Variants in WWOX observed in about 807,000 individuals in gnomAD.
The protein encoded by WWOX is WW domain-containing oxidoreductase.
WWOX carries 69 observed loss-of-function variants against 46.2 expected under a neutral mutation model. The observed-to-expected ratio is 1.49, with a 90% confidence interval of 1.23 to 1.82. The LOEUF is 1.82. Among genes scored for constraint, WWOX ranks in the 40% most tolerant of loss-of-function variants. The pLI, the probability that WWOX is intolerant of heterozygous loss-of-function variation, is 0.00. For synonymous variants in WWOX, 359 were observed against 202.6 expected, an observed-to-expected ratio of 1.77 and a Z score of -6.56; for missense variants, 919 against 542.6, an observed-to-expected ratio of 1.69 and a Z score of -6.89.
intron 8 of WWOX, among the ~76,000 whole-genome samples, chr16:79,032,061 T>C (rs2550696): frequency 0.16 from 22,579 of 144,014 alleles, 2,072 homozygotes; most frequent in African/African-American, 0.25. Flanking sequence ...CTGTATGTAA[T>C]ATATATATTA....
At chr16:78,762,676 G>A (rs909044253) in intron 8 of WWOX, among the ~76,000 whole-genome samples, 2 of 152,170 alleles carry the variant, frequency 1.3e-5, no homozygotes, top group African/African-American at 4.8e-5. Flanking sequence ...TAATTGGGAG[G>A]CAGGAATCCA....
intron 8 of WWOX, among the ~76,000 whole-genome samples, chr16:79,198,159 TA>T (rs1219723700): frequency 6.9e-6 from 1 of 144,744 alleles, no homozygotes; most frequent in African/African-American, 2.7e-5. Flanking sequence ...ACCCCGTCTC[TA>T]CTAAAAAAAA....
intron 8 of WWOX, among the ~76,000 whole-genome samples, chr16:78,621,537 A>G (rs1321151745): frequency 9.4e-6 from 1 of 106,120 alleles, no homozygotes; most frequent in Non-Finnish European, 1.9e-5. Context: ...CTTGGCTTTT[A>G]TTGGCCAGTA....
rs563420125 is a variant in WWOX at position 78,673,358 on chromosome 16, T to G, written c.1056+240606T>G. Among the ~76,000 whole-genome samples the G allele has an allele frequency of 2.0e-5, 3 of 152,318 alleles. No homozygotes were observed. In the East Asian group the frequency reaches 5.8e-4, roughly 29 times the overall value. On this transcript the variant is annotated intron_variant, in intron 8 of 8. Transcript: ENST00000566780. ...GAGAGCTGGCTGTGCTAGGAAACTC[T>G]TCGCCTCTCTAACACCACGTTTATT...
At chr16:79,160,917 C>G (rs140351902) in intron 8 of WWOX, among the ~76,000 whole-genome samples, 20 of 152,284 alleles carry the variant, frequency 1.3e-4, no homozygotes, top group Middle Eastern at 3.4e-3. Flanking sequence ...TACATATATT[C>G]TGATACACAT....
At chr16:78,593,802 A>G (rs7203119) in intron 8 of WWOX, among the ~76,000 whole-genome samples, 24,195 of 151,930 alleles carry the variant, frequency 0.16, 3,227 homozygotes, top group African/African-American at 0.37. Context: ...TGAAACAAAG[A>G]TAGAGCTAGC....
chr16:78,647,057 G>A (rs565999183), intron 8 of WWOX, among the ~76,000 whole-genome samples: 2 of 152,086 alleles, frequency 1.3e-5, no homozygotes, highest in Non-Finnish European at 2.9e-5. Flanking sequence ...CTCCCTTTGT[G>A]ACCCAGCAAC....
chr16:78,906,368 T>C (rs1035956800), intron 8 of WWOX, among the ~76,000 whole-genome samples: 2 of 152,184 alleles, frequency 1.3e-5, no homozygotes, highest in Admixed American at 6.5e-5. Context: ...CTCTTTGATA[T>C]GCAAATATAG....
chr16:78,817,938 GT>G (rs1352922340), intron 8 of WWOX, among the ~76,000 whole-genome samples: 1 of 152,162 alleles, frequency 6.6e-6, no homozygotes, highest in Admixed American at 6.5e-5. Context: ...GTGCAAGTTT[GT>G]TGTGAAGAAC....
chr16:78,176,260 C>T (rs1286668301), intron 5 of WWOX, among the ~76,000 whole-genome samples: 1 of 152,186 alleles, frequency 6.6e-6, no homozygotes, highest in Non-Finnish European at 1.5e-5. Flanking sequence ...TATTGGGATA[C>T]TAAAAGTTGG....
At chr16:78,620,655 A>G (rs1308738918) in intron 8 of WWOX, among the ~76,000 whole-genome samples, 2 of 151,914 alleles carry the variant, frequency 1.3e-5, no homozygotes. Flanking sequence ...TTCTTGATGC[A>G]CTTGTACTGC....
At chr16:79,172,125 A>G (rs2150769951) in intron 8 of WWOX, among the ~76,000 whole-genome samples, 1 of 152,222 alleles carries the variant, frequency 6.6e-6, no homozygotes, top group South Asian at 2.1e-4. Flanking sequence ...GCCAGGAACT[A>G]CATTTTCTTG....
intron 8 of WWOX, among the ~76,000 whole-genome samples, chr16:79,019,371 T>G (rs2047485543): frequency 6.6e-6 from 1 of 152,014 alleles, no homozygotes; most frequent in Non-Finnish European, 1.5e-5. Flanking sequence ...CTCTTGGTCT[T>G]AGCCTACAAA....
rs2032712428 is a variant in WWOX at position 78,115,118 on chromosome 16, A to G, written c.373A>G (p.Lys125Glu). Residue 125 changes from lysine to glutamate, a missense_variant, in exon 4 of 9, where the codon AAA becomes GAA. By Grantham distance (56) the Lys-to-Glu change is moderately conservative. Transcript: ENST00000566780. ...TCTCCAGGGCCGGGATTTCACTGGC[A>G]AAGTGGTTGTGGTCACTGGAGCTAA... The part of the protein sequence containing the change: ...EILQGRDFTG[K>E]VVVVTGANSG... 6.2e-7 allele frequency: 1 copy of G among 1,614,110 alleles called. No homozygotes were observed. Among genetic ancestry groups the G allele is most frequent in the Non-Finnish European group, 8.5e-7 (1 of 1,180,052 alleles).
At chr16:78,315,874 G>C (rs995248557) in intron 5 of WWOX, among the ~76,000 whole-genome samples, 4 of 152,122 alleles carry the variant, frequency 2.6e-5, no homozygotes, top group African/African-American at 9.7e-5. Flanking sequence ...CCCAGCCACA[G>C]TAGATGTATC....
chr16:78,123,435 G>GTTTTGTT (rs2033196098), intron 4 of WWOX: 1 of 48,722 alleles, frequency 2.1e-5, no homozygotes, highest in Admixed American at 2.6e-4. Context: ...TTTGTTTTTT[G>GTTTTGTT]TTTTGTTTTT....
intron 8 of WWOX, among the ~76,000 whole-genome samples, chr16:78,631,099 C>T (rs1390379255): frequency 6.6e-6 from 1 of 152,112 alleles, no homozygotes; most frequent in Non-Finnish European, 1.5e-5. Flanking sequence ...GCATCACATA[C>T]ATTATATGCA....
rs1037122464 is a variant in WWOX, at chr16:79,200,222, G to A, written c.1057-11386G>A. Among the ~76,000 whole-genome samples, 5 of 152,290 alleles carry A rather than the reference G, an allele frequency of 3.3e-5. No homozygotes were observed. In the South Asian group the frequency reaches 8.3e-4, roughly 25 times the overall value. ...AGCCAGGGTTTTAGGCACTAGAAAT[G>A]GAGCTCAGAAAGGAGGAGAAAGGTC... On this transcript the variant is annotated intron_variant, in intron 8 of 8. Coordinates refer to ENST00000566780, the MANE Select transcript of WWOX (RefSeq NM_016373.4).
intron 8 of WWOX, among the ~76,000 whole-genome samples, chr16:78,625,366 C>G (rs2046288351): frequency 6.6e-6 from 1 of 152,166 alleles, no homozygotes; most frequent in Non-Finnish European, 1.5e-5. Context: ...GTAACTGGAT[C>G]CCTGAAATTC....
Sources: gnomAD v4.1 joint callset for allele counts (sites outside exome capture counted in the v4.1 genomes callset) on GRCh38, gnomAD v4.1.1 for gene constraint, MANE v1.5 for transcripts, NCBI Gene and HGNC (gene_info 2026-07-23, HGNC 2026-07-21) for gene names.